Variants in FSTL1 observed in about 807,000 individuals in gnomAD.
The protein encoded by FSTL1 is follistatin like 1.
FSTL1 carries 24 observed loss-of-function variants against 45.9 expected under a neutral mutation model. The ratio of observed to expected loss-of-function variants is 0.52; its 90% CI spans 0.38 to 0.74. The LOEUF is 0.74. Among genes scored for constraint, FSTL1 ranks in the 30% least tolerant of loss-of-function variants. FSTL1 has a pLI of 0.00. For synonymous variants in FSTL1, 120 were observed against 137.6 expected (o/e 0.87, Z 0.89); for missense variants, 340 against 381.8 (o/e 0.89, Z 0.91).
intron 2 of FSTL1, among the ~76,000 whole-genome samples, chr3:120,442,577 C>G (rs1937645163): frequency 6.6e-6 from 1 of 151,784 alleles, no homozygotes; most frequent in Admixed American, 6.6e-5. Context: ...GGTGGGAGTT[C>G]CAGACCAGCC....
rs1290914927 is a variant in FSTL1, at chr3:120,403,325, A to C, written c.611T>G (p.Leu204Arg). The C allele has an allele frequency of 6.2e-7, 1 of 1,610,480 alleles. No individual in the cohort carries two copies. The change falls in exon 8 of 11, where the codon CTG becomes CGG. Residue 204 changes from leucine (L) to arginine (R), a missense_variant. Physicochemically the swap from Leu to Arg is moderately radical, Grantham distance 102 (BLOSUM62 -2). Coordinates refer to ENST00000295633, the MANE Select transcript of FSTL1 (RefSeq NM_007085.5). Reference sequence around the variant, plus strand: ...TTTCCAATCAGCATTTTCATCAGACAGTTCAATGAGAGCATCAACACAGAG... The same window carrying C: ...TTTCCAATCAGCATTTTCATCAGACCGTTCAATGAGAGCATCAACACAGAG... Reference protein sequence around the residue: ...RGLCVDALIELSDENADWKLS... With the variant: ...RGLCVDALIERSDENADWKLS...
At position 120,396,587 on chromosome 3, in the gene FSTL1, C is replaced by G. The variant is rs981810583; in HGVS notation, c.*365G>C. The G allele has an allele frequency of 2.5e-5, 5 of 196,528 alleles. No individual in the cohort carries two copies. Among genetic ancestry groups the G allele is most frequent in the African/African-American group, 1.2e-4 (5 of 42,558 alleles). 12.2% of individuals were successfully genotyped at this position (196,528 alleles called of 1,614,324 possible). A position where few individuals can be genotyped will look rare whatever the true frequency, so the allele number is the denominator to read the frequency against. ...AAACCTCTCCTCCGGGGACACCCTG[C>G]TAAGTTCTCTCTGGCATCGTGTGCA... On this transcript the variant is annotated 3_prime_UTR_variant, in exon 11 of 11. Coordinates refer to ENST00000295633, the MANE Select transcript of FSTL1 (RefSeq NM_007085.5).
At chr3:120,439,318 T>C (rs1937604012) in intron 2 of FSTL1, among the ~76,000 whole-genome samples, 1 of 152,196 alleles carries the variant, frequency 6.6e-6, no homozygotes, top group South Asian at 2.1e-4. Flanking sequence ...GAATACTTGT[T>C]TTAATTCCTG....
chr3:120,446,074 G>T (rs1468833724), intron 2 of FSTL1, among the ~76,000 whole-genome samples: 2 of 138,540 alleles, frequency 1.4e-5, no homozygotes, highest in Non-Finnish European at 1.5e-5. Context: ...GTATCATTAA[G>T]CTAATAAAAT....
rs139265048 is a variant in FSTL1, at chr3:120,444,101, G to A, written c.63+6583C>T. On this transcript the variant is annotated intron_variant, in intron 2 of 10. Coordinates refer to ENST00000295633, the MANE Select transcript of FSTL1 (RefSeq NM_007085.5). ...TAAGGTGTTCAGATTCATCCAAAGA[G>A]CTTAGAAACTTGGGCCAAAATCTGG... Among the ~76,000 whole-genome samples the A allele has an allele frequency of 5.5e-3, 821 of 149,986 alleles. 13 individuals are homozygous for A. The highest frequency in any genetic ancestry group is 8.2e-3 in the Non-Finnish European group (557 of 68,038).
At chr3:120,446,418 G>A (rs141016984) in intron 2 of FSTL1, among the ~76,000 whole-genome samples, 1 of 152,198 alleles carries the variant, frequency 6.6e-6, no homozygotes, top group Non-Finnish European at 1.5e-5. Flanking sequence ...GAACTGTAAC[G>A]TGTCCACCTT....
At chr3:120,428,049 T>C (rs1047482175) in intron 2 of FSTL1, among the ~76,000 whole-genome samples, 1 of 152,196 alleles carries the variant, frequency 6.6e-6, no homozygotes, top group Non-Finnish European at 1.5e-5. Flanking sequence ...ACCCCGCCCT[T>C]ACACTGTCTT....
chr3:120,430,773 A>G (rs1937461425), intron 2 of FSTL1, among the ~76,000 whole-genome samples: 1 of 152,172 alleles, frequency 6.6e-6, no homozygotes, highest in Admixed American at 6.5e-5. Flanking sequence ...AGTAAAGCAC[A>G]CTCTGTGTCT....
chr3:120,414,024 C>T (rs1937132054), intron 3 of FSTL1, among the ~76,000 whole-genome samples: 1 of 151,878 alleles, frequency 6.6e-6, no homozygotes, highest in South Asian at 2.1e-4. Context: ...CGCAAGTGAT[C>T]CGCCAGCCTC....
At chr3:120,404,749 A>G (rs1936913608) in intron 7 of FSTL1, 104 bp downstream of exon 7, 1 of 723,400 alleles carries the variant, frequency 1.4e-6, no homozygotes, top group Admixed American at 2.0e-5. Flanking sequence ...TTTACGTGAC[A>G]TTCTCTCACT....
intron 3 of FSTL1, among the ~76,000 whole-genome samples, chr3:120,413,220 G>C (rs577783306): frequency 6.6e-6 from 1 of 152,210 alleles, no homozygotes; most frequent in East Asian, 1.9e-4. Flanking sequence ...AAGAAGCACA[G>C]AGCACTGGAA....
intron 2 of FSTL1, among the ~76,000 whole-genome samples, chr3:120,422,422 A>G (rs1163820661): frequency 1.3e-5 from 2 of 152,366 alleles, no homozygotes; most frequent in Admixed American, 1.3e-4. Context: ...TTCACCATAT[A>G]TATGAATATT....
chr3:120,418,025 C>G (rs1356827525), intron 2 of FSTL1, among the ~76,000 whole-genome samples: 2 of 152,174 alleles, frequency 1.3e-5, no homozygotes, highest in African/African-American at 4.8e-5. Context: ...TGCAGAAAAG[C>G]CTGTGGCATG....
chr3:120,443,892 C>G (rs1937681738), intron 2 of FSTL1, among the ~76,000 whole-genome samples: 1 of 149,974 alleles, frequency 6.7e-6, no homozygotes, highest in African/African-American at 2.5e-5. Context: ...TTATTTTGTA[C>G]TCCAACTACC....
chr3:120,414,203 C>A (rs1477705022), intron 3 of FSTL1, among the ~76,000 whole-genome samples: 3 of 152,166 alleles, frequency 2.0e-5, no homozygotes, highest in Non-Finnish European at 4.4e-5. Flanking sequence ...TGGCTGCCAC[C>A]CCGTCTGGGA....
intron 2 of FSTL1, among the ~76,000 whole-genome samples, chr3:120,439,161 G>C (rs889738140): frequency 6.6e-6 from 1 of 152,150 alleles, no homozygotes; most frequent in African/African-American, 2.4e-5. Context: ...AAGCCTGCTC[G>C]GGTTTTGCTC....
intron 3 of FSTL1, among the ~76,000 whole-genome samples, chr3:120,414,892 C>G (rs1224970268): frequency 6.6e-6 from 1 of 150,522 alleles, no homozygotes; most frequent in Non-Finnish European, 1.5e-5. Flanking sequence ...AAACCAGAGA[C>G]CTTTGTTCAC....
chr3:120,439,032 A>C (rs1203352411), intron 2 of FSTL1, among the ~76,000 whole-genome samples: 4 of 152,194 alleles, frequency 2.6e-5, no homozygotes, highest in African/African-American at 9.6e-5. Context: ...CCAAAGTAAG[A>C]GCTACAGAAC....
rs562709885 is a variant in FSTL1 at position 120,417,336 on chromosome 3, A to G, written c.64-1309T>C. On this transcript the variant is annotated intron_variant, in intron 2 of 10. Coordinates refer to ENST00000295633, the MANE Select transcript of FSTL1 (RefSeq NM_007085.5). ...GCTTTCGAGCTGAGGTGCTGTATCC[A>G]ATACAGCTAGTCTGCTGCCACCCAG... Among the ~76,000 whole-genome samples, 13 of 152,346 alleles carry G rather than the reference A, an allele frequency of 8.5e-5. No homozygotes were observed. The South Asian group carries it at 1.9e-3, about 22-fold the overall frequency.
Sources: gnomAD v4.1 joint callset for allele counts (sites outside exome capture counted in the v4.1 genomes callset) on GRCh38, gnomAD v4.1.1 for gene constraint, MANE v1.5 for transcripts, NCBI Gene and HGNC (gene_info 2026-07-23, HGNC 2026-07-21) for gene names.